CHCHD6: variants seen among roughly 807,000 people sequenced by gnomAD.
CHCHD6 encodes the protein MICOS complex subunit MIC25.
CHCHD6 carries 28 observed loss-of-function variants against 32.3 expected under a neutral mutation model. That is an observed-to-expected ratio of 0.87 (90% confidence interval 0.64 to 1.19). The LOEUF is 1.19. Among genes scored for constraint, CHCHD6 ranks in the 50% most tolerant of loss-of-function variants. The probability of loss-of-function intolerance (pLI) is 0.00; values close to 1 mark genes in which losing one functional copy is unlikely to be tolerated. For synonymous variants in CHCHD6, 122 were observed against 117.5 expected (o/e 1.04, Z -0.25); for missense variants, 333 against 307.0 (o/e 1.08, Z -0.63).
chr3:126,954,259 C>T (rs1576647706), intron 6 of CHCHD6, among the ~76,000 whole-genome samples: 2 of 152,186 alleles, frequency 1.3e-5, no homozygotes, highest in African/African-American at 2.4e-5. Flanking sequence ...GAGCCCACTG[C>T]GAGGTTTGCC....
rs1022343140 is a variant in CHCHD6 at position 126,917,147 on chromosome 3, G to A, written c.566+2397G>A. On this transcript the variant is annotated intron_variant, in intron 6 of 7. Coordinates refer to ENST00000290913, the MANE Select transcript of CHCHD6 (RefSeq NM_032343.3). Reference sequence around the variant, plus strand: ...TATTTTTAATCTGAGTGAAGCCTAAGGTTTTTTTGTTTGTTTACAGCATCC... The same window carrying A: ...TATTTTTAATCTGAGTGAAGCCTAAAGTTTTTTTGTTTGTTTACAGCATCC... Among the ~76,000 whole-genome samples the A allele has an allele frequency of 2.0e-5, 3 of 152,324 alleles. 1 individual carries two copies.
At chr3:126,762,670 G>T (rs115717233) in intron 4 of CHCHD6, among the ~76,000 whole-genome samples, 2,127 of 152,244 alleles carry the variant, frequency 0.014, 56 homozygotes, top group African/African-American at 0.048. Context: ...TGAGAATAGG[G>T]TATTGAAATC....
At chr3:126,850,331 G>A (rs1348735907) in intron 4 of CHCHD6, among the ~76,000 whole-genome samples, 1 of 152,260 alleles carries the variant, frequency 6.6e-6, no homozygotes, top group Admixed American at 6.5e-5. Context: ...GCTCAATTGT[G>A]TTGCATTGGA....
chr3:126,808,601 C>G (rs753215704), intron 4 of CHCHD6, among the ~76,000 whole-genome samples: 12 of 152,184 alleles, frequency 7.9e-5, no homozygotes, highest in Non-Finnish European at 1.6e-4. Context: ...TCCTGAAGAA[C>G]TGAGGGTCCT....
At chr3:126,746,705 CG>C (rs1936518755) in intron 4 of CHCHD6, among the ~76,000 whole-genome samples, 1 of 152,238 alleles carries the variant, frequency 6.6e-6, no homozygotes, top group Admixed American at 6.5e-5. Context: ...AGCCGCGAGG[CG>C]GGTGCTTTCG....
At chr3:126,862,555 T>C (rs1460570462) in intron 5 of CHCHD6, among the ~76,000 whole-genome samples, 2 of 118,850 alleles carry the variant, frequency 1.7e-5, no homozygotes, top group South Asian at 3.2e-4. Flanking sequence ...CACCTCCTCC[T>C]CCTCCACCAT....
intron 5 of CHCHD6, among the ~76,000 whole-genome samples, chr3:126,903,838 G>C (rs547038776): frequency 1.3e-5 from 2 of 152,160 alleles, no homozygotes; most frequent in Admixed American, 6.5e-5. Flanking sequence ...GTTAAATGCT[G>C]TTCTGTACTT....
At chr3:126,797,972 A>G (rs1393571276) in intron 4 of CHCHD6, among the ~76,000 whole-genome samples, 1 of 152,092 alleles carries the variant, frequency 6.6e-6, no homozygotes, top group Non-Finnish European at 1.5e-5. Context: ...ATCTCCCCCA[A>G]CTGTGCCGTT....
intron 1 of CHCHD6, among the ~76,000 whole-genome samples, chr3:126,718,484 G>A (rs1183639601): frequency 6.6e-6 from 1 of 152,214 alleles, no homozygotes; most frequent in Non-Finnish European, 1.5e-5. Context: ...AGGTCACACA[G>A]CTGGTATGCA....
chr3:126,922,910 G>A (rs910938172), intron 6 of CHCHD6, among the ~76,000 whole-genome samples: 1 of 152,196 alleles, frequency 6.6e-6, no homozygotes, highest in Non-Finnish European at 1.5e-5. Context: ...AACAAAAGAC[G>A]CCGGGTGGCA....
At chr3:126,724,520 G>A (rs1343385600) in intron 1 of CHCHD6, among the ~76,000 whole-genome samples, 1 of 152,164 alleles carries the variant, frequency 6.6e-6, no homozygotes, top group African/African-American at 2.4e-5. Context: ...CTGGTGGGGG[G>A]TCTTGCCTCC....
intron 4 of CHCHD6, among the ~76,000 whole-genome samples, chr3:126,736,806 A>T (rs1402282315): frequency 6.6e-6 from 1 of 152,148 alleles, no homozygotes; most frequent in Non-Finnish European, 1.5e-5. Context: ...GAGTTGATGG[A>T]GAAAGTAGGA....
chr3:126,930,903 T>G (rs975284320), intron 6 of CHCHD6, among the ~76,000 whole-genome samples: 1 of 152,184 alleles, frequency 6.6e-6, no homozygotes, highest in African/African-American at 2.4e-5. Context: ...AAAAGAACTC[T>G]CTCTGATGGA....
At chr3:126,864,395 A>ACCTCCTCCT (rs761302657) in intron 5 of CHCHD6, among the ~76,000 whole-genome samples, 1 of 101,660 alleles carries the variant, frequency 9.8e-6, no homozygotes, top group Admixed American at 9.9e-5. Context: ...CTACACCACC[A>ACCTCCTCCT]CCTCCTCCTC....
At chr3:126,771,020 G>A (rs1937532904) in intron 4 of CHCHD6, among the ~76,000 whole-genome samples, 1 of 152,078 alleles carries the variant, frequency 6.6e-6, no homozygotes, top group African/African-American at 2.4e-5. Context: ...TTATTGGTCT[G>A]TTGAGGGATT....
chr3:126,947,886 G>T (rs2078661911), intron 6 of CHCHD6, among the ~76,000 whole-genome samples: 1 of 152,196 alleles, frequency 6.6e-6, no homozygotes, highest in Non-Finnish European at 1.5e-5. Flanking sequence ...CATTATGTGG[G>T]TTAAGGTGAG....
intron 3 of CHCHD6, 24 bp downstream of exon 3, chr3:126,730,654 C>T (rs770159472): frequency 1.2e-6 from 2 of 1,602,432 alleles, no homozygotes; most frequent in African/African-American, 1.3e-5. Context: ...CCTGCTTGCT[C>T]CCGGCACTGC....
Position 126,913,735 on chromosome 3 carries a change from C to G in CHCHD6, c.496-945C>G, listed in dbSNP as rs1001469561. Among the ~76,000 whole-genome samples the G allele has an allele frequency of 1.3e-5, 2 of 152,246 alleles. 1 individual carries two copies. The highest frequency in any genetic ancestry group is 2.9e-5 in the Non-Finnish European group (2 of 68,050). On this transcript the variant is annotated intron_variant, in intron 5 of 7. Transcript: ENST00000290913. ...CATGTGGGCTTCACCACACTCCCAC[C>G]TGGAGCACGGCAGGAGGCTGCTAGC...
chr3:126,857,630 G>A (rs1425698005), intron 5 of CHCHD6, among the ~76,000 whole-genome samples: 2 of 152,178 alleles, frequency 1.3e-5, no homozygotes, highest in African/African-American at 2.4e-5. Flanking sequence ...AGCTACACAA[G>A]GTGTTTGGAG....
Sources: gnomAD v4.1 joint callset for allele counts (sites outside exome capture counted in the v4.1 genomes callset) on GRCh38, gnomAD v4.1.1 for gene constraint, MANE v1.5 for transcripts, NCBI Gene and HGNC (gene_info 2026-07-23, HGNC 2026-07-21) for gene names.